The following KIAA1217 variants were observed in gnomAD, a reference collection of about 807,000 sequenced individuals.
KIAA1217 encodes the protein KIAA1217.
Under a neutral mutation model 163.9 loss-of-function variants are expected in KIAA1217, and 88 were observed. The ratio of observed to expected loss-of-function variants is 0.54; its 90% CI spans 0.45 to 0.64. The LOEUF (loss-of-function observed/expected upper bound fraction) is 0.64. Among genes scored for constraint, KIAA1217 ranks in the 30% least tolerant of loss-of-function variants. The pLI, the probability that KIAA1217 is intolerant of heterozygous loss-of-function variation, is 0.00. For synonymous variants in KIAA1217, 903 were observed against 923.1 expected (o/e 0.98, Z 0.39); for missense variants, 2,372 against 2,475.0 (o/e 0.96, Z 0.88).
At chr10:24,210,205 G>A (rs914794475) in intron 1 of KIAA1217, among the ~76,000 whole-genome samples, 2 of 152,134 alleles carry the variant, frequency 1.3e-5, no homozygotes, top group Admixed American at 1.3e-4. Context: ...ATGAAAATGT[G>A]AAAGGGAAGT....
At chr10:23,810,039 TC>T (rs1265864750) in intron 1 of KIAA1217, among the ~76,000 whole-genome samples, 3 of 151,992 alleles carry the variant, frequency 2.0e-5, no homozygotes, top group Non-Finnish European at 4.4e-5. Context: ...TAGATGATTT[TC>T]CCAACCGTAG....
intron 1 of KIAA1217, among the ~76,000 whole-genome samples, chr10:23,883,234 G>A (rs1270283605): frequency 1.3e-5 from 2 of 151,862 alleles, no homozygotes; most frequent in Admixed American, 6.6e-5. Context: ...GTTCTAGATC[G>A]AATGTCCTAA....
At chr10:24,302,849 C>A (rs1208094542) in intron 2 of KIAA1217, among the ~76,000 whole-genome samples, 1 of 151,924 alleles carries the variant, frequency 6.6e-6, no homozygotes, top group Non-Finnish European at 1.5e-5. Context: ...GGAAACAACA[C>A]AAGTTAGACA....
intron 1 of KIAA1217, among the ~76,000 whole-genome samples, chr10:23,970,197 G>A (rs1299293820): frequency 6.6e-6 from 1 of 152,132 alleles, no homozygotes; most frequent in Non-Finnish European, 1.5e-5. Flanking sequence ...TCTTGTATTA[G>A]AGGTCAAATG....
At chr10:24,196,058 C>T (rs1355048708) in intron 2 of KIAA1217, among the ~76,000 whole-genome samples, 1 of 151,954 alleles carries the variant, frequency 6.6e-6, no homozygotes, top group Non-Finnish European at 1.5e-5. Context: ...TGCTTGAACC[C>T]AGAAGTTCAA....
At chr10:24,177,299 T>TATATAAA (rs1554894744) in intron 2 of KIAA1217, among the ~76,000 whole-genome samples, 1 of 46,916 alleles carries the variant, frequency 2.1e-5, no homozygotes. Flanking sequence ...ATATATATAT[T>TATATAAA]ACAATTTCTT....
intron 2 of KIAA1217, among the ~76,000 whole-genome samples, chr10:24,175,007 C>G (rs746643404): frequency 6.9e-6 from 1 of 143,974 alleles, no homozygotes; most frequent in South Asian, 2.3e-4. Context: ...CAGGTGTGCA[C>G]CACCATGCCT....
intron 5 of KIAA1217, among the ~76,000 whole-genome samples, chr10:24,467,375 A>G (rs2063061470): frequency 6.6e-6 from 1 of 152,182 alleles, no homozygotes; most frequent in South Asian, 2.1e-4. Context: ...ATGAAGAGAC[A>G]ATAGAGGTTT....
chr10:24,521,734 C>A (rs2297330), intron 11 of KIAA1217, 48 bp from the exon 12 acceptor site: 320,349 of 1,586,438 alleles, frequency 0.2, 33,189 homozygotes, highest in Middle Eastern at 0.26. Flanking sequence ...TGAGGGTTGT[C>A]GTTCTGGCTT....
intron 2 of KIAA1217, among the ~76,000 whole-genome samples, chr10:24,248,994 A>G (rs973348883): frequency 6.6e-6 from 1 of 152,214 alleles, no homozygotes; most frequent in Non-Finnish European, 1.5e-5. Flanking sequence ...TTTAGACATA[A>G]TTTCAAACAC....
chr10:24,248,670 CAAA>C (rs929995548), intron 2 of KIAA1217, among the ~76,000 whole-genome samples: 4 of 36,458 alleles, frequency 1.1e-4, no homozygotes, highest in African/African-American at 4.6e-4. Flanking sequence ...GACTCCATCT[CAAA>C]AAAAAAAAAA....
intron 5 of KIAA1217, among the ~76,000 whole-genome samples, chr10:24,469,711 A>G (rs2063300970): frequency 6.6e-6 from 1 of 152,128 alleles, no homozygotes; most frequent in Non-Finnish European, 1.5e-5. Flanking sequence ...TCCCGGGTTC[A>G]AGCAATTCTC....
chr10:24,460,229 A>T (rs967352032), intron 5 of KIAA1217, among the ~76,000 whole-genome samples: 1 of 152,212 alleles, frequency 6.6e-6, no homozygotes, highest in African/African-American at 2.4e-5. Flanking sequence ...GAAAACTGGG[A>T]AAGTACAAAA....
chr10:24,542,453 T>A (rs1453595608), intron 17 of KIAA1217: 1 of 1,342,576 alleles, frequency 7.4e-7, no homozygotes, highest in Non-Finnish European at 9.7e-7. Context: ...CCTACAAAAT[T>A]TTAAATTCTT....
intron 3 of KIAA1217, among the ~76,000 whole-genome samples, chr10:24,430,725 G>T (rs2059538916): frequency 6.6e-6 from 1 of 152,148 alleles, no homozygotes; most frequent in Admixed American, 6.5e-5. Flanking sequence ...TCACAGTAGG[G>T]TTCACGCTCC....
intron 1 of KIAA1217, among the ~76,000 whole-genome samples, chr10:23,894,018 C>G (rs1405672072): frequency 1.3e-5 from 2 of 149,686 alleles, no homozygotes; most frequent in Non-Finnish European, 3.0e-5. Flanking sequence ...CTATGACAAA[C>G]CCACAGCCAA....
At chr10:23,706,099 T>A (rs541246736) in intron 1 of KIAA1217, among the ~76,000 whole-genome samples, 1 of 152,318 alleles carries the variant, frequency 6.6e-6, no homozygotes, top group East Asian at 1.9e-4. Context: ...TTTTTTATAT[T>A]GGTCTTGTGC....
intron 6 of KIAA1217, among the ~76,000 whole-genome samples, chr10:24,476,765 T>C (rs2064090012): frequency 6.6e-6 from 1 of 152,126 alleles, no homozygotes. Flanking sequence ...TGCTTGGGTA[T>C]ATGTGGGCCG....
chr10:23,856,192 G>A (rs1839650995), intron 1 of KIAA1217, among the ~76,000 whole-genome samples: 1 of 152,126 alleles, frequency 6.6e-6, no homozygotes, highest in Admixed American at 6.5e-5. Flanking sequence ...GGTTTTTGGT[G>A]CGGATGTCCT....
Sources: allele counts gnomAD v4.1 joint callset (sites outside exome capture counted in the v4.1 genomes callset), GRCh38; gene constraint gnomAD v4.1.1; transcripts MANE v1.5; gene names NCBI Gene and HGNC (gene_info 2026-07-23, HGNC 2026-07-21).